The following ITGA9 variants were observed in gnomAD, a reference collection of about 807,000 sequenced individuals.
ITGA9 encodes integrin subunit alpha 9.
A neutral mutation model predicts 127.8 loss-of-function variants in ITGA9; 56 were observed. The ratio of observed to expected loss-of-function variants is 0.44; its 90% CI spans 0.35 to 0.55. The LOEUF is 0.55. Ranked by LOEUF, ITGA9 falls within the 20% of genes least tolerant of loss-of-function variation. ITGA9 has a pLI of 0.00. For missense variants in ITGA9, 1,196 were observed against 1,347.1 expected (o/e 0.89, Z 1.76); for synonymous variants, 508 against 514.5 (o/e 0.99, Z 0.17).
intron 15 of ITGA9, among the ~76,000 whole-genome samples, chr3:37,572,797 A>C (rs1699614471): frequency 6.6e-6 from 1 of 152,204 alleles, no homozygotes; most frequent in South Asian, 2.1e-4. Flanking sequence ...AAAATGGCAC[A>C]GTTCTAAAAT....
At chr3:37,810,966 C>G (rs1223648648) in intron 27 of ITGA9, among the ~76,000 whole-genome samples, 1 of 152,218 alleles carries the variant, frequency 6.6e-6, no homozygotes, top group African/African-American at 2.4e-5. Context: ...TGACCCTGTG[C>G]AGCTCCTGGC....
chr3:37,714,312 A>G (rs1346206624), intron 18 of ITGA9, among the ~76,000 whole-genome samples: 3 of 152,186 alleles, frequency 2.0e-5, no homozygotes, highest in Non-Finnish European at 4.4e-5. Flanking sequence ...GTTCCTTTTC[A>G]GCACTTCCTC....
chr3:37,454,895 T>C (rs964029337), intron 1 of ITGA9, among the ~76,000 whole-genome samples: 8 of 152,214 alleles, frequency 5.3e-5, no homozygotes, highest in Non-Finnish European at 8.8e-5. Context: ...TGGTAAACTA[T>C]GGCCTTTGGA....
At chr3:37,667,732 A>G (rs981681562) in intron 17 of ITGA9, among the ~76,000 whole-genome samples, 1 of 152,258 alleles carries the variant, frequency 6.6e-6, no homozygotes, top group Non-Finnish European at 1.5e-5. Flanking sequence ...ACTTGGAGCC[A>G]GAGCATTTCT....
intron 13 of ITGA9, among the ~76,000 whole-genome samples, chr3:37,530,431 G>A (rs1559529290): frequency 6.6e-6 from 1 of 152,204 alleles, no homozygotes; most frequent in Non-Finnish European, 1.5e-5. Context: ...ATGTGGGTTA[G>A]GAATGCTATG....
At chr3:37,522,020 G>A (rs746459404) in intron 11 of ITGA9, among the ~76,000 whole-genome samples, 5 of 151,956 alleles carry the variant, frequency 3.3e-5, no homozygotes, top group Non-Finnish European at 7.4e-5. Flanking sequence ...GGGGTCAGGG[G>A]GCATCTCTCG....
Position 37,823,146 on chromosome 3 carries a change from CA to C in ITGA9, c.*4159del. ...GGGGGGAATAAGTGAACAAATTTCC[CA>C]ACATCGTGCAATGCTTTATAGCACA... On this transcript the variant is annotated 3_prime_UTR_variant, in exon 28 of 28. Transcript: ENST00000264741. 6.6e-6 allele frequency: 1 copy of C among 152,292 alleles called. No individual in the cohort carries two copies. Among genetic ancestry groups the C allele is most frequent in the Middle Eastern group, 3.4e-3 (1 of 294 alleles). The allele number at this position is 152,292 out of a possible 1,614,324, so 9.4% of individuals were successfully genotyped here.
chr3:37,584,875 A>G (rs1300488566), intron 15 of ITGA9, among the ~76,000 whole-genome samples: 1 of 152,068 alleles, frequency 6.6e-6, no homozygotes, highest in Non-Finnish European at 1.5e-5. Context: ...TATGTTGGCT[A>G]TTCTCTACTT....
intron 27 of ITGA9, among the ~76,000 whole-genome samples, chr3:37,816,062 CAA>C (rs1697428547): frequency 6.6e-6 from 1 of 152,146 alleles, no homozygotes; most frequent in Non-Finnish European, 1.5e-5. Flanking sequence ...ATCCAATTGT[CAA>C]AGCTAGTCTC....
chr3:37,701,392 A>T (rs1700943939), intron 18 of ITGA9, among the ~76,000 whole-genome samples: 2 of 152,214 alleles, frequency 1.3e-5, no homozygotes, highest in Non-Finnish European at 2.9e-5. Flanking sequence ...AGGAAGTGAG[A>T]CAGAGAAAAG....
chr3:37,768,788 G>GA (rs1553667692), intron 23 of ITGA9, among the ~76,000 whole-genome samples: 1 of 144,102 alleles, frequency 6.9e-6, no homozygotes, highest in Non-Finnish European at 1.5e-5. Flanking sequence ...TACCTTTTAG[G>GA]TTTTTTTTTT....
At chr3:37,727,741 A>G (rs371739757) in intron 18 of ITGA9, among the ~76,000 whole-genome samples, 30 of 152,352 alleles carry the variant, frequency 2.0e-4, no homozygotes, top group African/African-American at 6.7e-4. Context: ...GTACAATCAC[A>G]AAAGGATCAT....
chr3:37,731,096 T>A (rs1276563866), intron 18 of ITGA9, among the ~76,000 whole-genome samples: 3 of 152,256 alleles, frequency 2.0e-5, no homozygotes, highest in Non-Finnish European at 4.4e-5. Context: ...GCAGAATCAC[T>A]AATTTTATCA....
chr3:37,490,975 C>CCTTTTTT (rs548395527), intron 4 of ITGA9, among the ~76,000 whole-genome samples: 1 of 105,104 alleles, frequency 9.5e-6, no homozygotes, highest in African/African-American at 3.6e-5. Flanking sequence ...TTCCCCCCCG[C>CCTTTTTT]TTTTTTTTTT....
chr3:37,533,266 G>C, intron 13 of ITGA9, 48 bp from the exon 14 acceptor site: 3 of 1,586,570 alleles, frequency 1.9e-6, no homozygotes, highest in Non-Finnish European at 2.6e-6. Context: ...TTGGTTCTGA[G>C]AGCTGCTCCT....
At chr3:37,583,410 GCA>G (rs1699728394) in intron 15 of ITGA9, among the ~76,000 whole-genome samples, 1 of 20,510 alleles carries the variant, frequency 4.9e-5, no homozygotes, top group Non-Finnish European at 1.1e-4. Context: ...ATCATCATCA[GCA>G]TCATCATCAT....
At chr3:37,762,072 T>C (rs969942634) in intron 23 of ITGA9, among the ~76,000 whole-genome samples, 1 of 152,256 alleles carries the variant, frequency 6.6e-6, no homozygotes, top group Non-Finnish European at 1.5e-5. Flanking sequence ...TTCTTTACTT[T>C]CTTAATAAAC....
chr3:37,809,524 C>G (rs1223066591), intron 27 of ITGA9, among the ~76,000 whole-genome samples: 1 of 152,054 alleles, frequency 6.6e-6, no homozygotes, highest in Non-Finnish European at 1.5e-5. Flanking sequence ...AGGAGGCAAA[C>G]AGAAAATGTT....
At chr3:37,732,080 T>C (rs1559581377) in intron 18 of ITGA9, among the ~76,000 whole-genome samples, 1 of 152,208 alleles carries the variant, frequency 6.6e-6, no homozygotes, top group Non-Finnish European at 1.5e-5. Flanking sequence ...TGACCTTGGT[T>C]GGAAGCCATG....
Sources: allele counts gnomAD v4.1 joint callset (sites outside exome capture counted in the v4.1 genomes callset), GRCh38; gene constraint gnomAD v4.1.1; transcripts MANE v1.5; gene names NCBI Gene and HGNC (gene_info 2026-07-23, HGNC 2026-07-21).